The following ERI1 variants were observed in gnomAD, a reference collection of about 807,000 sequenced individuals.
ERI1 encodes the protein 3'-5' exoribonuclease 1.
A neutral mutation model predicts 39.7 loss-of-function variants in ERI1; 39 were observed. That is an observed-to-expected ratio of 0.98 (90% confidence interval 0.76 to 1.28). The LOEUF (loss-of-function observed/expected upper bound fraction) is 1.28. Among genes scored for constraint, ERI1 ranks in the 50% most tolerant of loss-of-function variants. The pLI is 0.00. For synonymous variants in ERI1, 204 were observed against 149.6 expected (o/e 1.36, Z -2.65); for missense variants, 581 against 416.9 (o/e 1.39, Z -3.43).
At chr8:9,050,335 C>A (rs988005449) in intron 3 of ERI1, among the ~76,000 whole-genome samples, 9 of 152,018 alleles carry the variant, frequency 5.9e-5, no homozygotes, top group African/African-American at 1.7e-4. Flanking sequence ...TGGTGAAACC[C>A]CATCTCTACT....
intron 3 of ERI1, among the ~76,000 whole-genome samples, chr8:9,058,672 A>G (rs1251325404): frequency 6.6e-6 from 1 of 152,204 alleles, no homozygotes; most frequent in Non-Finnish European, 1.5e-5. Context: ...GGTATTTCCT[A>G]TCTTGGCAAC....
chr8:9,098,903 G>A (rs184900800), intron 3 of ERI1, among the ~76,000 whole-genome samples: 5 of 152,096 alleles, frequency 3.3e-5, no homozygotes, highest in East Asian at 3.9e-4. Flanking sequence ...GTGCAAGCTC[G>A]GCTCACTGCA....
intron 3 of ERI1, among the ~76,000 whole-genome samples, chr8:9,064,696 GAGGTCCT>G (rs1392942421): frequency 6.6e-6 from 1 of 152,204 alleles, no homozygotes; most frequent in Non-Finnish European, 1.5e-5. Flanking sequence ...CTGAGGACCT[GAGGTCCT>G]AGGTGGATCT....
At chr8:9,037,396 C>T (rs762747016), downstream of ERI1, among the ~76,000 whole-genome samples, 1 of 152,114 alleles carries the variant, frequency 6.6e-6, no homozygotes, top group East Asian at 1.9e-4. Flanking sequence ...CCAGACAGCC[C>T]GGACCTTTGG....
intron 3 of ERI1, among the ~76,000 whole-genome samples, chr8:9,076,159 G>T (rs1198428953): frequency 6.6e-6 from 1 of 152,150 alleles, no homozygotes; most frequent in African/African-American, 2.4e-5. Flanking sequence ...GCCCAAGCTG[G>T]TCTCAAACCC....
At chr8:9,065,023 T>A (rs1798831241) in intron 3 of ERI1, among the ~76,000 whole-genome samples, 2 of 152,194 alleles carry the variant, frequency 1.3e-5, no homozygotes, top group South Asian at 4.1e-4. Context: ...TGAGCCAGGA[T>A]GAGCCAGGAG....
chr8:9,099,947 G>T (rs1323692890), intron 3 of ERI1: 1 of 152,016 alleles, frequency 6.6e-6, no homozygotes, highest in Non-Finnish European at 1.5e-5. Flanking sequence ...TCAGCTCGTT[G>T]TAGAACCACA....
intron 3 of ERI1, among the ~76,000 whole-genome samples, chr8:9,055,189 G>T (rs1482851572): frequency 1.3e-5 from 2 of 152,204 alleles, no homozygotes; most frequent in Non-Finnish European, 2.9e-5. Context: ...GAAACAGGCA[G>T]ATTGGGTATA....
intron 3 of ERI1, among the ~76,000 whole-genome samples, chr8:9,064,885 A>C (rs537678581): frequency 1.6e-4 from 25 of 152,230 alleles, no homozygotes; most frequent in African/African-American, 5.8e-4. Context: ...GCTGAGTCCG[A>C]GAAGAGAGTC....
chr8:9,079,244 A>C (rs1462786116), intron 3 of ERI1, among the ~76,000 whole-genome samples: 2 of 152,232 alleles, frequency 1.3e-5, no homozygotes, highest in Non-Finnish European at 2.9e-5. Context: ...GAGGAATAGC[A>C]GATGTTGAGA....
intron 2 of ERI1, 57 bp from the exon 3 acceptor site, chr8:9,011,485 T>G (rs1816661727): frequency 8.0e-7 from 1 of 1,243,338 alleles, no homozygotes; most frequent in Non-Finnish European, 1.1e-6. Flanking sequence ...AGGTGAGAGT[T>G]TTGATTCTTG....
chr8:9,013,946 T>C (rs571074352), intron 3 of ERI1, among the ~76,000 whole-genome samples: 1 of 152,310 alleles, frequency 6.6e-6, no homozygotes, highest in East Asian at 1.9e-4. Context: ...CTTACTGCAT[T>C]CGCCACCTAA....
At position 9,032,294 on chromosome 8, in the gene ERI1, A is replaced by C. The variant is rs1245815288; in HGVS notation, c.*2260A>C. On this transcript the variant is annotated 3_prime_UTR_variant, in exon 7 of 7. Coordinates refer to ENST00000250263, the MANE Select transcript of ERI1 (RefSeq NM_153332.4). ...TGTTTCTTATTAATAGTTACTTAGT[A>C]TTTACAAACAATTTATTATTAGCTG... is the stretch of plus-strand genomic sequence containing the variant. The C allele has an allele frequency of 2.0e-5, 3 of 152,220 alleles. No individual in the cohort carries two copies. The highest frequency in any genetic ancestry group is 4.4e-5 in the Non-Finnish European group (3 of 68,040). 9.4% of individuals were successfully genotyped at this position (152,220 alleles called of 1,614,324 possible).
At chr8:9,072,770 C>A (rs933457870) in intron 3 of ERI1, among the ~76,000 whole-genome samples, 1 of 152,022 alleles carries the variant, frequency 6.6e-6, no homozygotes, top group Non-Finnish European at 1.5e-5. Flanking sequence ...ACAGAGTGAC[C>A]CCCCACCCCA....
chr8:9,034,903 T>G (rs979386610), downstream of ERI1, among the ~76,000 whole-genome samples: 1 of 152,298 alleles, frequency 6.6e-6, no homozygotes, highest in African/African-American at 2.4e-5. Context: ...AGCACACAAG[T>G]GATAAGAAAG....
intron 3 of ERI1, among the ~76,000 whole-genome samples, chr8:9,095,412 G>A (rs1207929105): frequency 3.3e-5 from 5 of 152,116 alleles, no homozygotes; most frequent in African/African-American, 9.7e-5. Flanking sequence ...ACCTAATTCT[G>A]TAATGGTAAG....
At chr8:9,071,439 C>G (rs143763359) in intron 3 of ERI1, among the ~76,000 whole-genome samples, 2 of 152,190 alleles carry the variant, frequency 1.3e-5, no homozygotes, top group Admixed American at 1.3e-4. Flanking sequence ...ATTTAAGTTT[C>G]TAGTAATGCC....
intron 6 of ERI1, among the ~76,000 whole-genome samples, chr8:9,022,440 G>T (rs1818010260): frequency 6.6e-6 from 1 of 152,212 alleles, no homozygotes; most frequent in South Asian, 2.1e-4. Flanking sequence ...TCATTCTGTT[G>T]CCCAGGTTGG....
chr8:9,009,699 C>A (rs565802686), intron 2 of ERI1, among the ~76,000 whole-genome samples: 3 of 152,126 alleles, frequency 2.0e-5, no homozygotes, highest in Admixed American at 1.3e-4. Context: ...ACCACCATGC[C>A]TGGCTAATTT....
Sources: allele counts gnomAD v4.1 joint callset (sites outside exome capture counted in the v4.1 genomes callset), GRCh38; gene constraint gnomAD v4.1.1; transcripts MANE v1.5; gene names NCBI Gene and HGNC (gene_info 2026-07-23, HGNC 2026-07-21).